Variants in SLC15A5 observed in about 807,000 individuals in gnomAD.
SLC15A5 encodes Peptide/histidine transporter ENSP00000340402.
In SLC15A5, 58 loss-of-function variants were observed where a neutral mutation model predicts 56.1. The observed-to-expected ratio is 1.03, with a 90% confidence interval of 0.84 to 1.29. The LOEUF (loss-of-function observed/expected upper bound fraction) is 1.29. Among genes scored for constraint, SLC15A5 ranks in the 50% most tolerant of loss-of-function variants. The pLI, the probability that SLC15A5 is intolerant of heterozygous loss-of-function variation, is 0.00. For missense variants in SLC15A5, 681 were observed against 672.1 expected (o/e 1.01, Z -0.15); for synonymous variants, 264 against 250.5 (o/e 1.05, Z -0.51).
chr12:16,264,779 C>G (rs1433841578), intron 2 of SLC15A5, among the ~76,000 whole-genome samples: 1 of 152,206 alleles, frequency 6.6e-6, no homozygotes, highest in African/African-American at 2.4e-5. Context: ...CACAAGCTCT[C>G]TCTTCGCTTG....
In SLC15A5 at chr12:16,194,373, C is replaced by T. The variant is rs1334566586; in HGVS notation, c.1564G>A (p.Val522Ile). 9 of 1,534,684 alleles carry T rather than the reference C, an allele frequency of 5.9e-6. No individual in the cohort carries two copies. The highest frequency in any genetic ancestry group is 2.4e-5 in the East Asian group (1 of 40,836). The change falls in exon 8 of 9, where the codon GTC becomes ATC. Residue 522 changes from valine to isoleucine, a missense_variant. By Grantham distance (29) the Val-to-Ile change is conservative (BLOSUM62 3). Transcript: ENST00000344941. ...TGTGAAACACTGCAGAATCCCAGGA[C>T]GTTCAACAATGTTAATGATGCCAGG... Reference protein sequence around the residue: ...FFLASLTLLNVLGFCSVSQRY... With the variant: ...FFLASLTLLNILGFCSVSQRY...
rs1223101599 is a variant in SLC15A5, at chr12:16,277,577, C to T, written c.109G>A (p.Val37Met). 2 of 1,536,468 alleles carry T rather than the reference C, an allele frequency of 1.3e-6. No individual in the cohort carries two copies. The highest frequency in any genetic ancestry group is 2.0e-5 in the Admixed American group (1 of 50,952). The change falls in exon 1 of 9, where the codon GTG becomes ATG. Residue 37 changes from valine (V) to methionine (M), a missense_variant. Coordinates refer to ENST00000344941, the MANE Select transcript of SLC15A5 (RefSeq NM_001170798.1). Reference sequence around the variant, plus strand: ...CAGATTCCAACCTGAATTTTTTTCACAGAGTGTGAGGAACACAAATCGCCA... The same window carrying T: ...CAGATTCCAACCTGAATTTTTTTCATAGAGTGTGAGGAACACAAATCGCCA... ...HIGDLCSSHS[V>M]KKIQVGICLL...
At chr12:16,217,428 T>C (rs1204292633) in intron 6 of SLC15A5, among the ~76,000 whole-genome samples, 1 of 152,184 alleles carries the variant, frequency 6.6e-6, no homozygotes, top group Non-Finnish European at 1.5e-5. Flanking sequence ...ACTTGTATTA[T>C]ATAAAATTTG....
At chr12:16,240,336 C>T (rs181073775) in intron 4 of SLC15A5, among the ~76,000 whole-genome samples, 99 of 151,898 alleles carry the variant, frequency 6.5e-4, no homozygotes, top group Admixed American at 1.2e-3. Flanking sequence ...AATATAGAAA[C>T]GACTTTTTCC....
chr12:16,225,703 C>T (rs944517808), intron 5 of SLC15A5, among the ~76,000 whole-genome samples: 2 of 152,132 alleles, frequency 1.3e-5, no homozygotes, highest in Non-Finnish European at 2.9e-5. Flanking sequence ...TGAAAAAATG[C>T]TCATCATCAC....
At chr12:16,246,074 G>T (rs1165255945) in intron 3 of SLC15A5, among the ~76,000 whole-genome samples, 1 of 152,158 alleles carries the variant, frequency 6.6e-6, no homozygotes, top group Non-Finnish European at 1.5e-5. Flanking sequence ...AGCCCAAATT[G>T]GTAGTGACCA....
chr12:16,254,259 T>A (rs1420869678), intron 3 of SLC15A5, among the ~76,000 whole-genome samples: 1 of 152,066 alleles, frequency 6.6e-6, no homozygotes, highest in Non-Finnish European at 1.5e-5. Flanking sequence ...TCCACTCATA[T>A]GAAGTAGCTA....
At chr12:16,229,457 C>G (rs1527013) in intron 5 of SLC15A5, among the ~76,000 whole-genome samples, 2 of 151,750 alleles carry the variant, frequency 1.3e-5, no homozygotes, top group Admixed American at 1.3e-4. Context: ...TAAATTAGAT[C>G]CCATAACATC....
In SLC15A5 at chr12:16,213,129, A is replaced by G. The variant is rs549440672; in HGVS notation, c.1483+3764T>C. Among the ~76,000 whole-genome samples the G allele has an allele frequency of 2.9e-4, 44 of 152,272 alleles. 2 individuals are homozygous for G. The South Asian group carries it at 8.9e-3, about 31-fold the overall frequency. ...GATTTTGGAAGCCATATTTTAAGAA[A>G]GATACTGACGAGTTGCTGTTTGTTT... On this transcript the variant is annotated intron_variant, in intron 7 of 8. Coordinates refer to ENST00000344941, the MANE Select transcript of SLC15A5 (RefSeq NM_001170798.1).
intron 7 of SLC15A5, among the ~76,000 whole-genome samples, chr12:16,198,650 C>G (rs1467484126): frequency 1.3e-5 from 2 of 152,098 alleles, no homozygotes; most frequent in African/African-American, 4.8e-5. Context: ...TCACTTACCT[C>G]AAATTCTTTC....
chr12:16,270,349 T>A (rs979639661), intron 2 of SLC15A5, among the ~76,000 whole-genome samples: 1 of 152,154 alleles, frequency 6.6e-6, no homozygotes, highest in African/African-American at 2.4e-5. Flanking sequence ...GGTTACAGAT[T>A]CAAGGGGTAT....
Position 16,271,826 on chromosome 12 carries a change from T to C in SLC15A5, c.584+735A>G, listed in dbSNP as rs1864760863. 6.6e-6 allele frequency among the ~76,000 whole-genome samples: 1 copy of C among 152,076 alleles called. No homozygotes were observed. Among genetic ancestry groups the C allele is most frequent in the Admixed American group, 6.6e-5 (1 of 15,240 alleles). ...TATTTGGTAATATAAATTGTTTCCTTAAAAAACACAAAAACCGACGAACTC... is the reference window on the plus strand; with the variant it reads ...TATTTGGTAATATAAATTGTTTCCTCAAAAAACACAAAAACCGACGAACTC... On this transcript the variant is annotated intron_variant, in intron 2 of 8. Coordinates refer to ENST00000344941, the MANE Select transcript of SLC15A5 (RefSeq NM_001170798.1). The surrounding 1 kb of genome is among the most constrained non-coding windows in gnomAD (Gnocchi z 8.0).
chr12:16,232,941 G>A (rs1864312228), intron 5 of SLC15A5, among the ~76,000 whole-genome samples: 1 of 140,858 alleles, frequency 7.1e-6, no homozygotes, highest in Non-Finnish European at 1.5e-5. Context: ...AAGAGAGAGA[G>A]AGAGGAAGAA....
chr12:16,193,448 C>A (rs1863858017), intron 8 of SLC15A5, among the ~76,000 whole-genome samples: 1 of 151,956 alleles, frequency 6.6e-6, no homozygotes, highest in South Asian at 2.1e-4. Flanking sequence ...ACTTTGACAT[C>A]TTTCTGGTTT....
intron 2 of SLC15A5, among the ~76,000 whole-genome samples, chr12:16,261,970 G>C (rs1354696714): frequency 2.6e-5 from 4 of 152,128 alleles, no homozygotes; most frequent in Non-Finnish European, 4.4e-5. Context: ...CTTTTGAAAA[G>C]CAGAAATTCT....
chr12:16,201,560 G>A (rs970386207), intron 7 of SLC15A5, among the ~76,000 whole-genome samples: 2 of 152,128 alleles, frequency 1.3e-5, no homozygotes, highest in Non-Finnish European at 2.9e-5. Context: ...GAGAGAGCAG[G>A]TGGAGATAGT....
intron 5 of SLC15A5, among the ~76,000 whole-genome samples, chr12:16,234,013 T>G (rs1039369073): frequency 1.1e-4 from 16 of 152,196 alleles, no homozygotes; most frequent in African/African-American, 3.9e-4. Flanking sequence ...AAAAAAAGTG[T>G]GAGACTGAGT....
chr12:16,254,406 C>T (rs2136803080), intron 3 of SLC15A5, among the ~76,000 whole-genome samples: 1 of 152,178 alleles, frequency 6.6e-6, no homozygotes, highest in African/African-American at 2.4e-5. Flanking sequence ...AAATCCATTG[C>T]ATAACAATAT....
intron 4 of SLC15A5, among the ~76,000 whole-genome samples, chr12:16,242,976 TC>T (rs1174222981): frequency 6.6e-6 from 1 of 152,170 alleles, no homozygotes; most frequent in Non-Finnish European, 1.5e-5. Context: ...GGAGTTTGAA[TC>T]TTCTAAATCA....
Sources: allele counts gnomAD v4.1 joint callset (sites outside exome capture counted in the v4.1 genomes callset), GRCh38; gene constraint gnomAD v4.1.1; non-coding constraint Gnocchi (gnomAD v3.1); transcripts MANE v1.5; gene names NCBI Gene and HGNC (gene_info 2026-07-23, HGNC 2026-07-21).